FBXO43: variants seen among roughly 807,000 people sequenced by gnomAD.
FBXO43 encodes F-box only protein 43.
A neutral mutation model predicts 56.7 loss-of-function variants in FBXO43; 22 were observed. The observed-to-expected ratio is 0.39, with a 90% CI of 0.28 to 0.55. The LOEUF (loss-of-function observed/expected upper bound fraction) is 0.55, where lower values mean the gene tolerates loss of function less well. FBXO43 is among the 20% of genes least tolerant of loss of function. The pLI, the probability that FBXO43 is intolerant of heterozygous loss-of-function variation, is 0.66. For synonymous variants in FBXO43, 306 were observed against 294.5 expected (o/e 1.04, Z -0.40); for missense variants, 733 against 814.9 (o/e 0.90, Z 1.22).
upstream of FBXO43, chr8:100,145,828 C>T (rs1244278523): frequency 6.6e-6 from 1 of 152,474 alleles, no homozygotes; most frequent in East Asian, 1.9e-4. Flanking sequence ...GAACGGCCCG[C>T]CCGGGGTAAC....
At chr8:100,144,800 C>T (rs571705744) in intron 1 of FBXO43, among the ~76,000 whole-genome samples, 31 of 151,494 alleles carry the variant, frequency 2.0e-4, no homozygotes, top group South Asian at 8.3e-4. Context: ...GGCGTGGTGG[C>T]GGGCGCCTGT....
intron 3 of FBXO43, 191 bp downstream of exon 3, chr8:100,137,374 G>A (rs1814503990): frequency 4.1e-6 from 2 of 482,416 alleles, no homozygotes; most frequent in East Asian, 8.0e-5. Flanking sequence ...AGATGTTCTT[G>A]ATGCTATGTT....
At chr8:100,148,040 C>A (rs1057489702), upstream of FBXO43, among the ~76,000 whole-genome samples, 1 of 152,076 alleles carries the variant, frequency 6.6e-6, no homozygotes. Flanking sequence ...AGTTTACTAC[C>A]TTCTAAAATC....
At chr8:100,144,978 C>G in intron 1 of FBXO43, 73 bp downstream of exon 1, 1 of 1,453,790 alleles carries the variant, frequency 6.9e-7, no homozygotes, top group Non-Finnish European at 9.1e-7. Context: ...AGAAAAAGCA[C>G]CTACCACATC....
intron 2 of FBXO43, among the ~76,000 whole-genome samples, chr8:100,138,580 C>T (rs1814544699): frequency 6.6e-6 from 1 of 152,150 alleles, no homozygotes; most frequent in Non-Finnish European, 1.5e-5. Context: ...ACAGTACTGC[C>T]AACATAGTTA....
intron 3 of FBXO43, among the ~76,000 whole-genome samples, chr8:100,136,104 C>T (rs1210364131): frequency 6.6e-6 from 1 of 152,108 alleles, no homozygotes; most frequent in East Asian, 1.9e-4. Context: ...GCATATAGGG[C>T]AGCATTTGAA....
chr8:100,138,176 AG>A (rs2051781682), intron 2 of FBXO43, among the ~76,000 whole-genome samples: 1 of 152,230 alleles, frequency 6.6e-6, no homozygotes, highest in South Asian at 2.1e-4. Flanking sequence ...CATTAACCAA[AG>A]TTTATGAATA....
chr8:100,138,212 AT>A (rs1409068081), intron 2 of FBXO43, among the ~76,000 whole-genome samples: 2 of 152,300 alleles, frequency 1.3e-5, no homozygotes, highest in East Asian at 3.9e-4. Context: ...AAAAAACACA[AT>A]TTTTGTCCAG....
chr8:100,138,201 G>A (rs1288277676), intron 2 of FBXO43, among the ~76,000 whole-genome samples: 3 of 152,044 alleles, frequency 2.0e-5, no homozygotes, highest in Non-Finnish European at 2.9e-5. Flanking sequence ...AGCAGCTAAA[G>A]AAAAAACACA....
In FBXO43 at chr8:100,141,075, C is replaced by G. The variant is rs1293807952; in HGVS notation, c.1179G>C (p.Gln393His). The G allele has an allele frequency of 3.7e-6, 6 of 1,614,216 alleles. No homozygotes were observed. The highest frequency in any genetic ancestry group is 5.1e-6 in the Non-Finnish European group (6 of 1,180,044). ...TCTGCTTTTCCTCTTCTGTCTCTGA[C>G]TGCGAGCTTTGTTCCCGAAGGGTGG... ...RLSTLREQSS[Q>H]SETEEEKQIV... The change falls in exon 2 of 5, where the codon CAG becomes CAC. Residue 393 changes from glutamine (Q) to histidine (H), a missense_variant. By Grantham distance (24) the Gln-to-His change is conservative. Coordinates refer to ENST00000428847, the MANE Select transcript of FBXO43 (RefSeq NM_001029860.4).
At chr8:100,137,390 T>A (rs1814504526) in intron 3 of FBXO43, 175 bp downstream of exon 3, 4 of 538,078 alleles carry the variant, frequency 7.4e-6, no homozygotes, top group Non-Finnish European at 1.3e-5. Context: ...ATGTTGTTTA[T>A]TCCATTTACA....
chr8:100,136,183 C>T (rs562427344), intron 3 of FBXO43, among the ~76,000 whole-genome samples: 1 of 152,306 alleles, frequency 6.6e-6, no homozygotes, highest in Admixed American at 6.5e-5. Context: ...GCTGCAGAAG[C>T]AGCCATGAGC....
upstream of FBXO43, among the ~76,000 whole-genome samples, chr8:100,149,156 T>C (rs988116501): frequency 6.6e-6 from 1 of 152,174 alleles, no homozygotes; most frequent in Non-Finnish European, 1.5e-5. Flanking sequence ...GCGTGTTGGA[T>C]TGGGAACTAG....
Position 100,134,323 on chromosome 8 carries a change from C to T in FBXO43, c.1716G>A (p.Gln572=). 8.1e-6 allele frequency: 13 copies of T among 1,613,920 alleles called. No individual in the cohort carries two copies. The highest frequency in any genetic ancestry group is 1.1e-5 in the Non-Finnish European group (13 of 1,180,020). The change falls in exon 4 of 5, where the codon CAG becomes CAA. Residue 572 remains glutamine, a synonymous_variant. Transcript: ENST00000428847. ...LNVEDAATRL[Q]LLNRSALRSV... ...ATCTTAAAGCTGAGCGATTTAAAAG[C>T]TGGAGCCGAGTGGCAGCATCCTCGA...
At position 100,133,979 on chromosome 8, in the gene FBXO43, C is replaced by G. The variant is rs201740986; in HGVS notation, c.1950G>C (p.Gln650His). The G allele has an allele frequency of 3.4e-4, 543 of 1,614,162 alleles. 2 individuals are homozygous for G. In the African/African-American group the frequency reaches 6.3e-3, roughly 19 times the overall value. Residue 650 changes from glutamine (Q) to histidine (H), a missense_variant, in exon 5 of 5, where the codon CAG becomes CAC. Physicochemically the swap from Gln to His is conservative, Grantham distance 24 (BLOSUM62 0). Transcript: ENST00000428847. ...TACACAGTCCCCTTTTCTTATATGG[C>G]TGGTACTTAGCAGGGGACTGGCACC... ...CPRCQSPAKY[Q>H]PYKKRGLCSR...
At chr8:100,134,098 G>A in intron 4 of FBXO43, 48 bp from the exon 5 acceptor site, 1 of 1,604,718 alleles carries the variant, frequency 6.2e-7, no homozygotes, top group Non-Finnish European at 8.5e-7. Context: ...ATATAGAGGA[G>A]CACTTTATTT....
chr8:100,137,747 A>T, intron 2 of FBXO43, 80 bp from the exon 3 acceptor site: 1 of 1,040,398 alleles, frequency 9.6e-7, no homozygotes, highest in Non-Finnish European at 1.4e-6. Flanking sequence ...CTAATGAGAA[A>T]AATTTGTTTT....
upstream of FBXO43, among the ~76,000 whole-genome samples, chr8:100,146,203 T>C (rs997321950): frequency 6.6e-6 from 1 of 152,218 alleles, no homozygotes; most frequent in East Asian, 1.9e-4. Flanking sequence ...GTCTGAAAGG[T>C]ATGAATAACT....
At chr8:100,143,207 G>T (rs866723976) in intron 1 of FBXO43, among the ~76,000 whole-genome samples, 1 of 152,162 alleles carries the variant, frequency 6.6e-6, no homozygotes, top group Non-Finnish European at 1.5e-5. Context: ...TATTTTTCCA[G>T]ATGATTCAAA....
Sources: allele counts gnomAD v4.1 joint callset (sites outside exome capture counted in the v4.1 genomes callset), GRCh38; gene constraint gnomAD v4.1.1; transcripts MANE v1.5; gene names NCBI Gene and HGNC (gene_info 2026-07-23, HGNC 2026-07-21).